The following ACY3 variants were observed in gnomAD, a reference collection of about 807,000 sequenced individuals.
ACY3 encodes N-acyl-aromatic-L-amino acid amidohydrolase (carboxylate-forming).
In ACY3, 20 loss-of-function variants were observed where a neutral mutation model predicts 24.6. That is an observed-to-expected ratio of 0.81 (90% CI 0.57 to 1.18). ACY3 has a LOEUF of 1.18. ACY3 is among the 50% of genes most tolerant of loss of function. The pLI, the probability that ACY3 is intolerant of heterozygous loss-of-function variation, is 0.00. For synonymous variants in ACY3, 174 were observed against 188.4 expected, an observed-to-expected ratio of 0.92 and a Z score of 0.62; for missense variants, 423 against 426.8, an observed-to-expected ratio of 0.99 and a Z score of 0.08.
At chr11:67,645,215 TGCCCCTTGGTGACTGGACCC>T in intron 5 of ACY3, 52 bp downstream of exon 5, 1 of 1,604,006 alleles carries the variant, frequency 6.2e-7, no homozygotes, top group South Asian at 1.1e-5. Context: ...GAAGAGGCCC[TGCCCCTTGGTGACTGGACCC>T]GCCCCTCCAG....
At chr11:67,648,014 G>T (rs1029318707) in intron 1 of ACY3, among the ~76,000 whole-genome samples, 1 of 152,194 alleles carries the variant, frequency 6.6e-6, no homozygotes, top group African/African-American at 2.4e-5. Flanking sequence ...GGTCACTCCT[G>T]AGTCGCCCTT....
intron 1 of ACY3, among the ~76,000 whole-genome samples, chr11:67,648,925 C>G (rs1216001321): frequency 6.6e-6 from 1 of 152,122 alleles, no homozygotes; most frequent in African/African-American, 2.4e-5. Flanking sequence ...TCCCTATGAG[C>G]CCCCTCCAGG....
intron 4 of ACY3, 62 bp from the exon 5 acceptor site, chr11:67,645,442 A>T: frequency 4.5e-6 from 7 of 1,542,102 alleles, no homozygotes; most frequent in Non-Finnish European, 5.3e-6. Flanking sequence ...CTGAGGTGGG[A>T]AGGTGTTGCA....
intron 1 of ACY3, among the ~76,000 whole-genome samples, chr11:67,648,236 G>T (rs1211453133): frequency 6.6e-6 from 1 of 152,190 alleles, no homozygotes; most frequent in South Asian, 2.1e-4. Flanking sequence ...AAGCCCTAGA[G>T]GCAGGCTGCA....
In ACY3 at chr11:67,645,388, C is replaced by T. The variant is rs755453889; in HGVS notation, c.433-8G>A. 5 of 1,612,302 alleles carry T rather than the reference C, an allele frequency of 3.1e-6. No homozygotes were observed. Among genetic ancestry groups the T allele is most frequent in the East Asian group, 2.2e-5 (1 of 44,850 alleles). On this transcript the variant is annotated splice_polypyrimidine_tract_variant and splice_region_variant and intron_variant, in intron 4 of 7. Transcript: ENST00000255082. ...CAGCTCGGGGTACTGCAGCTGGGGG[C>T]GAGAGAGGCAGGTTAGGGGCCCAGG...
At chr11:67,648,801 G>A (rs374454288) in intron 1 of ACY3, among the ~76,000 whole-genome samples, 3 of 152,218 alleles carry the variant, frequency 2.0e-5, no homozygotes, top group African/African-American at 7.2e-5. Context: ...AGAGCATGGC[G>A]ATTGTGGGGA....
chr11:67,650,532 GCTCA>G (rs1855606969), intron 1 of ACY3, 47 bp downstream of exon 1: 1 of 152,234 alleles, frequency 6.6e-6, no homozygotes, highest in Non-Finnish European at 1.5e-5. Context: ...ACTTCTTGAG[GCTCA>G]CTAAGGTAAA....
Position 67,646,964 on chromosome 11 carries a change from C to A in ACY3, c.80G>T (p.Gly27Val). 1.3e-6 allele frequency: 2 copies of A among 1,584,448 alleles called. No homozygotes were observed. The highest frequency in any genetic ancestry group is 1.7e-6 in the Non-Finnish European group (2 of 1,165,000). ...CAGCCAGTGCCGGGCCAGGTAGACG[C>A]CCGACATCTCGTTGCCATGCGTGCC... is the stretch of plus-strand genomic sequence containing the variant. ...TGGTHGNEMS[G>V]VYLARHWLHA... The change falls in exon 3 of 8, where the codon GGC becomes GTC. Residue 27 changes from glycine (G) to valine (V), a missense_variant. By Grantham distance (109) the Gly-to-Val change is moderately radical (BLOSUM62 -3). Coordinates refer to ENST00000255082, the MANE Select transcript of ACY3 (RefSeq NM_080658.2).
At chr11:67,648,767 C>T (rs1855562856) in intron 1 of ACY3, among the ~76,000 whole-genome samples, 1 of 152,206 alleles carries the variant, frequency 6.6e-6, no homozygotes, top group Non-Finnish European at 1.5e-5. Context: ...CTCCTGCCCT[C>T]CACACCCAAG....
intron 1 of ACY3, among the ~76,000 whole-genome samples, chr11:67,648,662 C>T (rs1428127330): frequency 6.6e-6 from 1 of 152,188 alleles, no homozygotes; most frequent in Non-Finnish European, 1.5e-5. Context: ...ATGCCAGGCC[C>T]ACCAGCCTGG....
chr11:67,644,813 A>T lies in ACY3; in HGVS notation c.691T>A (p.Phe231Ile), dbSNP rs1017207693. The T allele has an allele frequency of 6.4e-7, 1 of 1,574,212 alleles. No homozygotes were observed. The highest frequency in any genetic ancestry group is 1.2e-5 in the South Asian group (1 of 86,828). ...AGGTGCCCGGCCTCGGTGCGGGGGA[A>T]GTCCACGACGCCCACGGGTCTATAG... ...EAYRPVGVVD[F>I]PRTEAGHLAG... The change falls in exon 7 of 8, where the codon TTC (phenylalanine) becomes ATC (isoleucine). Residue 231 changes from phenylalanine (F) to isoleucine (I), a missense_variant. Physicochemically the swap from Phe to Ile is conservative, Grantham distance 21. Transcript: ENST00000255082.
chr11:67,644,652 G>A, intron 7 of ACY3, 108 bp downstream of exon 7: 2 of 1,056,846 alleles, frequency 1.9e-6, no homozygotes, highest in East Asian at 5.2e-5. Flanking sequence ...GCTCGTGGGA[G>A]GCTTGGCTGC....
intron 1 of ACY3, among the ~76,000 whole-genome samples, chr11:67,649,831 T>C (rs1475539545): frequency 1.3e-5 from 2 of 150,168 alleles, no homozygotes; most frequent in African/African-American, 4.9e-5. Flanking sequence ...CATGCATGTG[T>C]GTGTACATGT....
rs200337718 is a variant in ACY3 at position 67,642,952 on chromosome 11, C to T, written c.745-13G>A. ...GGAAGTCTCGGTCCTGGGAGGAGAG[C>T]CAAAGGCCAAGATTGCTGGGGCCAC... On this transcript the variant is annotated splice_polypyrimidine_tract_variant and intron_variant, in intron 7 of 7. Transcript: ENST00000255082. 1.9e-6 allele frequency: 3 copies of T among 1,610,670 alleles called. No homozygotes were observed. Among genetic ancestry groups the T allele is most frequent in the Admixed American group, 1.7e-5 (1 of 59,560 alleles).
intron 4 of ACY3, 60 bp from the exon 5 acceptor site, chr11:67,645,440 G>A (rs1242752372): frequency 5.2e-6 from 8 of 1,547,038 alleles, no homozygotes; most frequent in Non-Finnish European, 7.1e-6. Flanking sequence ...AACTGAGGTG[G>A]GAAGGTGTTG....
At chr11:67,645,631 C>G in intron 4 of ACY3, 61 bp downstream of exon 4, 1 of 1,527,562 alleles carries the variant, frequency 6.5e-7, no homozygotes, top group Non-Finnish European at 8.8e-7. Flanking sequence ...AGCATTGTCC[C>G]GCCTGCCCTC....
Position 67,647,311 on chromosome 11 carries a change from A to T in ACY3, c.-21+205T>A, listed in dbSNP as rs75354692. On this transcript the variant is annotated intron_variant, in intron 2 of 7. Coordinates refer to ENST00000255082, the MANE Select transcript of ACY3 (RefSeq NM_080658.2). ...AAGAGGGGCCCAACTGTTCAGGAAG[A>T]TGGGTTCACCAAGGCACACTCCCTA... Among the ~76,000 whole-genome samples the T allele has an allele frequency of 5.3e-5, 8 of 152,290 alleles. No individual in the cohort carries two copies. The East Asian group carries it at 1.4e-3, about 26-fold the overall frequency.
chr11:67,644,747 C>CAG lies in ACY3; in HGVS notation c.744+12_744+13insCT. On this transcript the variant is annotated intron_variant, in intron 7 of 7. Transcript: ENST00000255082. ...TCACCCCCCACCACACACACACACA[C>CAG]ACACACACACACCTGCAGCTGAGGA... 6.5e-7 allele frequency: 1 copy of CAG among 1,548,512 alleles called. No homozygotes were observed. Among genetic ancestry groups the CAG allele is most frequent in the Non-Finnish European group, 8.7e-7 (1 of 1,146,754 alleles).
At chr11:67,642,988 G>A in intron 7 of ACY3, 49 bp from the exon 8 acceptor site, 1 of 1,560,388 alleles carries the variant, frequency 6.4e-7, no homozygotes, top group Non-Finnish European at 8.7e-7. Context: ...CTCTGCCCTG[G>A]CCCCAGAGGG....
Sources: allele counts gnomAD v4.1 joint callset (sites outside exome capture counted in the v4.1 genomes callset), GRCh38; gene constraint gnomAD v4.1.1; transcripts MANE v1.5; gene names NCBI Gene and HGNC (gene_info 2026-07-23, HGNC 2026-07-21).